The following RBKS variants were observed in gnomAD, a reference collection of about 807,000 sequenced individuals.
The protein encoded by RBKS is ribokinase.
A neutral mutation model predicts 33.9 loss-of-function variants in RBKS; 33 were observed. The observed-to-expected ratio is 0.97, with a 90% CI of 0.74 to 1.30. RBKS has a LOEUF of 1.30. Ranked by LOEUF, RBKS falls within the 50% of genes most tolerant of loss-of-function variation. RBKS has a pLI of 0.00. For synonymous variants in RBKS, 125 were observed against 143.0 expected (o/e 0.87, Z 0.90); for missense variants, 361 against 392.6 (o/e 0.92, Z 0.68).
chr2:27,887,994 A>T (rs572894945), intron 1 of RBKS, among the ~76,000 whole-genome samples: 1 of 152,148 alleles, frequency 6.6e-6, no homozygotes, highest in Non-Finnish European at 1.5e-5. Flanking sequence ...CCCACCCCAC[A>T]AAGTACTATA....
At chr2:27,876,779 C>T (rs1664323611) in intron 1 of RBKS, among the ~76,000 whole-genome samples, 1 of 151,362 alleles carries the variant, frequency 6.6e-6, no homozygotes, top group Non-Finnish European at 1.5e-5. Context: ...TACTTAATGC[C>T]AATGAATTGT....
At chr2:27,822,125 A>T (rs889617213) in intron 7 of RBKS, among the ~76,000 whole-genome samples, 3 of 152,254 alleles carry the variant, frequency 2.0e-5, no homozygotes, top group Non-Finnish European at 4.4e-5. Context: ...ACACAGTTCA[A>T]GGAAAGTCAC....
At chr2:27,836,941 A>C (rs780687272) in intron 5 of RBKS, among the ~76,000 whole-genome samples, 1 of 152,162 alleles carries the variant, frequency 6.6e-6, no homozygotes, top group Non-Finnish European at 1.5e-5. Context: ...TCAAACTATA[A>C]TGAGATACCA....
At position 27,837,662 on chromosome 2, in the gene RBKS, C is replaced by A. The variant is rs1465423138; in HGVS notation, c.515-4885G>T. Reference sequence around the variant, plus strand: ...ATGTAGCCGTAAAAAGGAATGAAATCATGTCCTTGGCAGCAACATAGATGG... The same window carrying A: ...ATGTAGCCGTAAAAAGGAATGAAATAATGTCCTTGGCAGCAACATAGATGG... On this transcript the variant is annotated intron_variant, in intron 5 of 7. Transcript: ENST00000302188. This position sits in a 1 kb window ranked among gnomAD's most constrained non-coding sequence, Gnocchi z 4.0. Among the ~76,000 whole-genome samples, 1 of 152,324 alleles carries A rather than the reference C, an allele frequency of 6.6e-6. No individual in the cohort carries two copies. The highest frequency in any genetic ancestry group is 2.1e-4 in the South Asian group (1 of 4,830).
intron 7 of RBKS, among the ~76,000 whole-genome samples, chr2:27,796,448 C>T (rs1333897468): frequency 6.6e-6 from 1 of 152,176 alleles, no homozygotes; most frequent in Non-Finnish European, 1.5e-5. Context: ...GTGGCTACTA[C>T]CCTTTGCCTT....
intron 5 of RBKS, among the ~76,000 whole-genome samples, chr2:27,835,932 C>G (rs1443455922): frequency 6.6e-6 from 1 of 151,894 alleles, no homozygotes; most frequent in African/African-American, 2.4e-5. Context: ...CACATAGTAT[C>G]TGGCCGGGCA....
At chr2:27,855,217 T>C (rs1324109876) in intron 2 of RBKS, among the ~76,000 whole-genome samples, 1 of 152,204 alleles carries the variant, frequency 6.6e-6, no homozygotes, top group Non-Finnish European at 1.5e-5. Context: ...GGAAAACAGA[T>C]AGCTACCTGT....
At chr2:27,811,920 T>G (rs933055871) in intron 7 of RBKS, among the ~76,000 whole-genome samples, 2 of 151,934 alleles carry the variant, frequency 1.3e-5, no homozygotes, top group African/African-American at 4.8e-5. Flanking sequence ...GAAAAAAAAA[T>G]TCCACCACTG....
In RBKS at chr2:27,881,000, G is replaced by A. The variant is rs573701554; in HGVS notation, c.89+9257C>T. Among the ~76,000 whole-genome samples, 3 of 152,064 alleles carry A rather than the reference G, an allele frequency of 2.0e-5. No homozygotes were observed. The South Asian group carries it at 6.2e-4, about 32-fold the overall frequency. ...AGGCTGAGGTGGGTGGGTTGCTTCA[G>A]CCCAGGAGTTCGAGACTAGCCTGAG... On this transcript the variant is annotated intron_variant, in intron 1 of 7. Coordinates refer to ENST00000302188, the MANE Select transcript of RBKS (RefSeq NM_022128.3).
chr2:27,801,025 C>T (rs2148188620), intron 7 of RBKS, among the ~76,000 whole-genome samples: 1 of 152,320 alleles, frequency 6.6e-6, no homozygotes. Context: ...CTGGCAGGGA[C>T]AGCCTGCACT....
chr2:27,808,750 T>C (rs897657884), intron 7 of RBKS, among the ~76,000 whole-genome samples: 1 of 152,198 alleles, frequency 6.6e-6, no homozygotes, highest in Non-Finnish European at 1.5e-5. Context: ...TGTTTTGAGA[T>C]AACATTTGTA....
At chr2:27,835,961 A>G (rs1339944712) in intron 5 of RBKS, among the ~76,000 whole-genome samples, 1 of 152,048 alleles carries the variant, frequency 6.6e-6, no homozygotes, top group African/African-American at 2.4e-5. Flanking sequence ...CATGCCTGTA[A>G]TCCTAGCACT....
intron 2 of RBKS, among the ~76,000 whole-genome samples, chr2:27,850,112 C>G (rs4666024): frequency 0.36 from 54,194 of 152,004 alleles, 11,814 homozygotes; most frequent in East Asian, 0.63. Context: ...GCTGAAAGTT[C>G]AATCTGACTG....
At chr2:27,805,578 T>TA (rs1201858587) in intron 7 of RBKS, among the ~76,000 whole-genome samples, 1 of 152,196 alleles carries the variant, frequency 6.6e-6, no homozygotes, top group Non-Finnish European at 1.5e-5. Flanking sequence ...TTGTATTTTT[T>TA]ATTTTCATTT....
chr2:27,853,348 T>A (rs1394093580), intron 2 of RBKS, among the ~76,000 whole-genome samples: 1 of 123,118 alleles, frequency 8.1e-6, no homozygotes, highest in African/African-American at 3.3e-5. Flanking sequence ...AGGCAACCTG[T>A]CTCTGAAAAA....
chr2:27,824,654 G>C (rs1218726583), intron 7 of RBKS, among the ~76,000 whole-genome samples: 1 of 151,900 alleles, frequency 6.6e-6, no homozygotes, highest in Non-Finnish European at 1.5e-5. Flanking sequence ...TCCAATTTTT[G>C]GCTATTATGA....
chr2:27,842,311 G>A (rs188300366), intron 5 of RBKS, among the ~76,000 whole-genome samples: 17 of 152,340 alleles, frequency 1.1e-4, no homozygotes, highest in South Asian at 2.1e-4. Context: ...ATAACTGGAA[G>A]CTGGGTGATG....
intron 1 of RBKS, among the ~76,000 whole-genome samples, chr2:27,860,957 CTCTG>C (rs1260119701): frequency 2.0e-5 from 3 of 149,622 alleles, no homozygotes; most frequent in Non-Finnish European, 4.4e-5. Context: ...TTGTCTCTGT[CTCTG>C]TCTCTCTTTC....
intron 7 of RBKS, among the ~76,000 whole-genome samples, chr2:27,791,858 G>C (rs1295630892): frequency 6.6e-6 from 1 of 151,926 alleles, no homozygotes; most frequent in African/African-American, 2.4e-5. Context: ...AACTTTCTGG[G>C]GTGATGAAAA....
Sources: allele counts gnomAD v4.1 joint callset (sites outside exome capture counted in the v4.1 genomes callset), GRCh38; gene constraint gnomAD v4.1.1; non-coding constraint Gnocchi (gnomAD v3.1); transcripts MANE v1.5; gene names NCBI Gene and HGNC (gene_info 2026-07-23, HGNC 2026-07-21).